The following CD9 variants were observed in gnomAD, a reference collection of about 807,000 sequenced individuals.
CD9 encodes the protein CD9 molecule.
In CD9, 10 loss-of-function variants were observed where a neutral mutation model predicts 31.4. The ratio of observed to expected loss-of-function variants is 0.32; its 90% confidence interval spans 0.20 to 0.54. CD9 has a LOEUF of 0.54. Among genes scored for constraint, CD9 ranks in the 20% least tolerant of loss-of-function variants. The pLI, the probability that CD9 is intolerant of heterozygous loss-of-function variation, is 0.94. For synonymous variants in CD9, 113 were observed against 114.1 expected, an observed-to-expected ratio of 0.99 and a Z score of 0.06; for missense variants, 259 against 300.1, an observed-to-expected ratio of 0.86 and a Z score of 1.01.
chr12:6,216,059 G>A (rs925287226), intron 1 of CD9, among the ~76,000 whole-genome samples: 5 of 152,180 alleles, frequency 3.3e-5, no homozygotes, highest in Admixed American at 1.3e-4. Flanking sequence ...TGTGGGCATC[G>A]GGATCCTGTT....
At chr12:6,214,513 A>C (rs903464704) in intron 1 of CD9, among the ~76,000 whole-genome samples, 1 of 151,426 alleles carries the variant, frequency 6.6e-6, no homozygotes, top group Non-Finnish European at 1.5e-5. Flanking sequence ...TTCCCAGCTA[A>C]GTTTTTGTAT....
intron 1 of CD9, among the ~76,000 whole-genome samples, chr12:6,215,031 A>G (rs1021791630): frequency 3.3e-5 from 5 of 151,974 alleles, no homozygotes; most frequent in Non-Finnish European, 7.4e-5. Flanking sequence ...CCTCACCCTT[A>G]ATGGTCACAA....
rs550068995 is a variant in CD9 at position 6,202,540 on chromosome 12, C to G, written c.66+1975C>G. 5.9e-5 allele frequency among the ~76,000 whole-genome samples: 9 copies of G among 152,386 alleles called. No homozygotes were observed. In the East Asian group the frequency reaches 1.3e-3, roughly 23 times the overall value. ...TGGGACTGCAGGGAAACACAGACTG[C>G]CACAGTGTGCCTCCCTACCCCCATC... On this transcript the variant is annotated intron_variant, in intron 1 of 7. Coordinates refer to ENST00000009180, the MANE Select transcript of CD9 (RefSeq NM_001769.4).
Position 6,233,525 on chromosome 12 carries a change from G to C in CD9, c.348+39G>C, listed in dbSNP as rs1591980586. ...ATGAGATCTCTTGGGTTTGGGAGTT[G>C]GGGGATGGGGGACAGTGAAGCAGGG... On this transcript the variant is annotated intron_variant, in intron 4 of 7. Transcript: ENST00000009180. 8.1e-6 allele frequency: 12 copies of C among 1,477,828 alleles called. No individual in the cohort carries two copies. In the East Asian group the frequency reaches 2.5e-4, roughly 31 times the overall value. The allele number at this position is 1,477,828 out of a possible 1,614,324, so 91.5% of individuals were successfully genotyped here.
Position 6,225,250 on chromosome 12 carries a change from T to C in CD9, c.67-176T>C, listed in dbSNP as rs369860639. 2.0e-3 allele frequency: 1,162 copies of C among 585,746 alleles called. 26 individuals are homozygous for C. In the South Asian group the frequency reaches 0.024, roughly 12 times the overall value. The allele number at this position is 585,746 out of a possible 1,614,324, so 36.3% of individuals were successfully genotyped here. ...TTTATTCCTCGCTTGCTGGTATTTT[T>C]AGTACCTGCATGAATCAAACACACC... On this transcript the variant is annotated intron_variant, in intron 1 of 7. Coordinates refer to ENST00000009180, the MANE Select transcript of CD9 (RefSeq NM_001769.4).
chr12:6,229,316 G>A (rs1418137213), intron 2 of CD9, among the ~76,000 whole-genome samples: 2 of 152,152 alleles, frequency 1.3e-5, no homozygotes, highest in Admixed American at 6.5e-5. Flanking sequence ...GCGACACTTG[G>A]CCTTAGTAAG....
chr12:6,236,306 G>C, intron 7 of CD9, 31 bp downstream of exon 7: 2 of 1,592,760 alleles, frequency 1.3e-6, no homozygotes, highest in Non-Finnish European at 1.7e-6. Flanking sequence ...CCAGGAGGGG[G>C]ACTGAGGAGT....
intron 1 of CD9, among the ~76,000 whole-genome samples, chr12:6,201,695 AAGAT>A: frequency 6.6e-6 from 1 of 152,234 alleles, no homozygotes; most frequent in Non-Finnish European, 1.5e-5. Context: ...TGCCACTCTC[AAGAT>A]AGATGGATGT....
At chr12:6,215,652 G>T (rs760314068) in intron 1 of CD9, among the ~76,000 whole-genome samples, 7 of 152,200 alleles carry the variant, frequency 4.6e-5, no homozygotes, top group Non-Finnish European at 8.8e-5. Context: ...AAGTTGTCTG[G>T]AGAGGAGAGA....
chr12:6,214,946 A>G (rs938990820), intron 1 of CD9, among the ~76,000 whole-genome samples: 16 of 152,144 alleles, frequency 1.1e-4, no homozygotes, highest in Admixed American at 6.5e-5. Context: ...TTCCTGGCTC[A>G]GTGGGTTCAG....
At chr12:6,235,422 A>C in intron 5 of CD9, 54 bp from the exon 6 acceptor site, 1 of 1,613,658 alleles carries the variant, frequency 6.2e-7, no homozygotes, top group South Asian at 1.1e-5. Context: ...AAACATTCTA[A>C]TCGTCTTCTT....
chr12:6,233,314 C>A (rs1444167987), intron 3 of CD9, 98 bp from the exon 4 acceptor site: 4 of 852,168 alleles, frequency 4.7e-6, no homozygotes, highest in Non-Finnish European at 8.0e-6. Flanking sequence ...ATGCCTGTTC[C>A]CAGGGAGTTG....
intron 1 of CD9, among the ~76,000 whole-genome samples, chr12:6,223,766 A>G (rs1004981850): frequency 1.3e-5 from 2 of 152,080 alleles, no homozygotes; most frequent in African/African-American, 2.4e-5. Context: ...CGGGGAACCC[A>G]TGGTCTGAAT....
At chr12:6,230,890 C>T (rs749044751) in intron 2 of CD9, among the ~76,000 whole-genome samples, 1 of 152,206 alleles carries the variant, frequency 6.6e-6, no homozygotes, top group African/African-American at 2.4e-5. Context: ...GACCTCACGA[C>T]GGATGTGGGG....
At chr12:6,221,511 G>T (rs1470685560) in intron 1 of CD9, among the ~76,000 whole-genome samples, 1 of 152,124 alleles carries the variant, frequency 6.6e-6, no homozygotes, top group Non-Finnish European at 1.5e-5. Context: ...TCAGCATGCC[G>T]CCATATGTCT....
At chr12:6,217,688 A>G (rs1946255754) in intron 1 of CD9, among the ~76,000 whole-genome samples, 1 of 152,190 alleles carries the variant, frequency 6.6e-6, no homozygotes, top group Admixed American at 6.5e-5. Flanking sequence ...GGCTCAGCAG[A>G]GTAACCAAGT....
chr12:6,234,361 G>A (rs1444691666), intron 4 of CD9: 7 of 152,098 alleles, frequency 4.6e-5, no homozygotes, highest in Non-Finnish European at 8.8e-5. Flanking sequence ...CTAGTCAAGC[G>A]CGGTAGTGAG....
chr12:6,225,406 A>ATG lies in CD9; in HGVS notation c.67-18_67-17dup, dbSNP rs749482960. ...TTGCTGGCAGCCAGAATTAATGCTGATGTCCTGTATGTCTTGCAGCTTGCC... is the reference window on the plus strand; with the variant it reads ...TTGCTGGCAGCCAGAATTAATGCTGATGTGTCCTGTATGTCTTGCAGCTTGCC... On this transcript the variant is annotated intron_variant, in intron 1 of 7. Coordinates refer to ENST00000009180, the MANE Select transcript of CD9 (RefSeq NM_001769.4). The ATG allele has an allele frequency of 3.3e-6, 5 of 1,529,706 alleles. No individual in the cohort carries two copies. The highest frequency in any genetic ancestry group is 4.5e-6 in the Non-Finnish European group (5 of 1,103,132). The allele number at this position is 1,529,706 out of a possible 1,614,324, so 94.8% of individuals were successfully genotyped here. A position where few individuals can be genotyped will look rare whatever the true frequency, so the allele number is the denominator to read the frequency against.
intron 6 of CD9, 139 bp downstream of exon 6, chr12:6,235,704 TTCTC>T: frequency 7.0e-7 from 1 of 1,433,904 alleles, no homozygotes; most frequent in East Asian, 2.5e-5. Flanking sequence ...ACCCATCTCT[TTCTC>T]TCCCACTTTG....
Sources: gnomAD v4.1 joint callset for allele counts (sites outside exome capture counted in the v4.1 genomes callset) on GRCh38, gnomAD v4.1.1 for gene constraint, MANE v1.5 for transcripts, NCBI Gene and HGNC (gene_info 2026-07-23, HGNC 2026-07-21) for gene names.